SLC9A9: variants seen among roughly 807,000 people sequenced by gnomAD.
The protein encoded by SLC9A9 is solute carrier family 9 member A9, also known as sodium/hydrogen exchanger 9.
In SLC9A9, 62 loss-of-function variants were observed where a neutral mutation model predicts 77.8. That is an observed-to-expected ratio of 0.80 (90% CI 0.65 to 0.98). The LOEUF is 0.98. Among genes scored for constraint, SLC9A9 ranks in the 50% least tolerant of loss-of-function variants. The pLI, the probability that SLC9A9 is intolerant of heterozygous loss-of-function variation, is 0.00. For synonymous variants in SLC9A9, 320 were observed against 283.5 expected, an observed-to-expected ratio of 1.13 and a Z score of -1.29; for missense variants, 775 against 774.9, an observed-to-expected ratio of 1.00 and a Z score of 0.00.
At chr3:143,786,913 C>T (rs1045001464) in intron 4 of SLC9A9, among the ~76,000 whole-genome samples, 3 of 152,066 alleles carry the variant, frequency 2.0e-5, no homozygotes, top group Non-Finnish European at 4.4e-5. Context: ...ACGTAGGCTC[C>T]AGGGGCAGTG....
intron 14 of SLC9A9, among the ~76,000 whole-genome samples, chr3:143,356,072 A>T (rs928200599): frequency 2.0e-5 from 3 of 152,174 alleles, no homozygotes; most frequent in African/African-American, 7.2e-5. Flanking sequence ...AAAATCAGTT[A>T]CCATCTTGGG....
At chr3:143,552,324 G>A in intron 9 of SLC9A9, 38 bp downstream of exon 9, 1 of 1,490,070 alleles carries the variant, frequency 6.7e-7, no homozygotes, top group Non-Finnish European at 9.3e-7. Context: ...ATTTCACTGA[G>A]AAAAGAGACC....
intron 12 of SLC9A9, among the ~76,000 whole-genome samples, chr3:143,457,372 A>C (rs915886191): frequency 6.6e-6 from 1 of 152,144 alleles, no homozygotes; most frequent in Non-Finnish European, 1.5e-5. Flanking sequence ...TGTCAGCGTC[A>C]CTAGAAGTAT....
chr3:143,587,284 A>T (rs1263504573), intron 6 of SLC9A9, among the ~76,000 whole-genome samples: 1 of 152,226 alleles, frequency 6.6e-6, no homozygotes, highest in Non-Finnish European at 1.5e-5. Flanking sequence ...TGTTCCTTAC[A>T]TCTCAGTGGA....
chr3:143,267,345 CTTTTT>C (rs749407002), intron 15 of SLC9A9, among the ~76,000 whole-genome samples: 4 of 113,604 alleles, frequency 3.5e-5, no homozygotes, highest in East Asian at 2.5e-4. Context: ...GTTATTGCTA[CTTTTT>C]TTTTTTTTTT....
intron 14 of SLC9A9, among the ~76,000 whole-genome samples, chr3:143,327,535 G>C (rs1000428245): frequency 6.6e-6 from 1 of 152,078 alleles, no homozygotes; most frequent in Non-Finnish European, 1.5e-5. Flanking sequence ...TATGCCCTGA[G>C]GCTTTTCCTG....
intron 2 of SLC9A9, among the ~76,000 whole-genome samples, chr3:143,822,924 G>A (rs767282943): frequency 6.3e-4 from 96 of 152,130 alleles, no homozygotes; most frequent in Non-Finnish European, 1.2e-3. Flanking sequence ...TATTTGGAGA[G>A]CAGACTTTTT....
chr3:143,823,166 G>A (rs7641634), intron 2 of SLC9A9, among the ~76,000 whole-genome samples: 51,870 of 152,036 alleles, frequency 0.34, 9,193 homozygotes, highest in African/African-American at 0.46. Context: ...ATCATGGAAT[G>A]AATGTGACCA....
intron 12 of SLC9A9, among the ~76,000 whole-genome samples, chr3:143,419,540 G>A (rs10513201): frequency 0.095 from 14,401 of 151,966 alleles, 790 homozygotes; most frequent in South Asian, 0.17. Context: ...ATCAGTTTAC[G>A]TTTATCTCCC....
chr3:143,426,511 C>T (rs771626675), intron 12 of SLC9A9, among the ~76,000 whole-genome samples: 1 of 152,180 alleles, frequency 6.6e-6, no homozygotes, highest in Non-Finnish European at 1.5e-5. Flanking sequence ...AATGTAGTAG[C>T]AATTTTTCTA....
chr3:143,348,041 A>G (rs2032344243), intron 14 of SLC9A9, among the ~76,000 whole-genome samples: 1 of 149,452 alleles, frequency 6.7e-6, no homozygotes, highest in Non-Finnish European at 1.5e-5. Flanking sequence ...TTTAGAGGGA[A>G]TCTTACTCTG....
At position 143,455,796 on chromosome 3, in the gene SLC9A9, G is replaced by GA. The variant is rs1054827516; in HGVS notation, c.1469+11240_1469+11241insT. Among the ~76,000 whole-genome samples the GA allele has an allele frequency of 6.3e-5, 9 of 142,956 alleles. No homozygotes were observed. In the East Asian group the frequency reaches 1.8e-3, roughly 29 times the overall value. The allele number at this position is 142,956 out of a possible 152,430, so 93.8% of individuals were successfully genotyped here. ...AACCTAAAATCACTTATTTCTAGAA[G>GA]TTTTTTTTTTTTTAGGTTTCTTTTT... On this transcript the variant is annotated intron_variant, in intron 12 of 15. Transcript: ENST00000316549.
At chr3:143,317,347 G>A (rs1483293756) in intron 14 of SLC9A9, among the ~76,000 whole-genome samples, 1 of 152,006 alleles carries the variant, frequency 6.6e-6, no homozygotes, top group African/African-American at 2.4e-5. Context: ...TGCACAACAG[G>A]GCAACAGCCC....
chr3:143,772,817 G>A (rs749749865), intron 4 of SLC9A9, among the ~76,000 whole-genome samples: 3 of 152,170 alleles, frequency 2.0e-5, no homozygotes, highest in Non-Finnish European at 4.4e-5. Context: ...TTTCAGAAGC[G>A]TCATATCAGC....
chr3:143,453,372 A>T (rs1320065086), intron 12 of SLC9A9, among the ~76,000 whole-genome samples: 1 of 152,136 alleles, frequency 6.6e-6, no homozygotes, highest in African/African-American at 2.4e-5. Flanking sequence ...ATCCTTAATA[A>T]TACCTAAACC....
intron 6 of SLC9A9, among the ~76,000 whole-genome samples, chr3:143,645,690 C>A (rs1160999307): frequency 6.6e-6 from 1 of 152,176 alleles, no homozygotes; most frequent in African/African-American, 2.4e-5. Context: ...TCACTGGTAT[C>A]ACACTTTAAA....
intron 11 of SLC9A9, among the ~76,000 whole-genome samples, chr3:143,480,919 G>C (rs2035563449): frequency 6.6e-6 from 1 of 152,158 alleles, no homozygotes; most frequent in Non-Finnish European, 1.5e-5. Flanking sequence ...AGGGAGGGAA[G>C]GAAAGAAAAG....
intron 4 of SLC9A9, among the ~76,000 whole-genome samples, chr3:143,712,574 C>T (rs183148843): frequency 1.1e-3 from 165 of 150,390 alleles, no homozygotes; most frequent in African/African-American, 3.8e-3. Flanking sequence ...GCTGTTTCTT[C>T]TTTTCCTCCA....
At chr3:143,490,267 C>A (rs2035717380) in intron 11 of SLC9A9, among the ~76,000 whole-genome samples, 1 of 152,084 alleles carries the variant, frequency 6.6e-6, no homozygotes, top group Non-Finnish European at 1.5e-5. Context: ...GTGAAAGGAA[C>A]CCAAGTGTCC....
Sources: gnomAD v4.1 joint callset for allele counts (sites outside exome capture counted in the v4.1 genomes callset) on GRCh38, gnomAD v4.1.1 for gene constraint, MANE v1.5 for transcripts, NCBI Gene and HGNC (gene_info 2026-07-23, HGNC 2026-07-21) for gene names.